The following WDR70 variants were observed in gnomAD, a reference collection of about 807,000 sequenced individuals.
The protein encoded by WDR70 is WD repeat-containing protein 70.
A neutral mutation model predicts 88.6 loss-of-function variants in WDR70; 53 were observed. The ratio of observed to expected loss-of-function variants is 0.60; its 90% confidence interval spans 0.48 to 0.75. WDR70 has a LOEUF of 0.75. Among genes scored for constraint, WDR70 ranks in the 30% least tolerant of loss-of-function variants. The pLI is 0.00. For synonymous variants in WDR70, 280 were observed against 270.0 expected, an observed-to-expected ratio of 1.04 and a Z score of -0.36; for missense variants, 610 against 823.2, an observed-to-expected ratio of 0.74 and a Z score of 3.17.
At chr5:37,633,549 G>A (rs1300980630) in intron 10 of WDR70, among the ~76,000 whole-genome samples, 1 of 151,518 alleles carries the variant, frequency 6.6e-6, no homozygotes, top group East Asian at 1.9e-4. Flanking sequence ...TAGGAGGTTT[G>A]CCTATAAACC....
intron 5 of WDR70, among the ~76,000 whole-genome samples, chr5:37,433,786 C>A (rs995317497): frequency 1.3e-5 from 2 of 152,234 alleles, no homozygotes; most frequent in Admixed American, 1.3e-4. Flanking sequence ...AGCACTGAAC[C>A]CTGTGTATAC....
chr5:37,633,226 G>A (rs1470334314), intron 10 of WDR70, among the ~76,000 whole-genome samples: 1 of 152,038 alleles, frequency 6.6e-6, no homozygotes, highest in Non-Finnish European at 1.5e-5. Context: ...GACTACCAGA[G>A]TTTTTTCCCC....
intron 10 of WDR70, among the ~76,000 whole-genome samples, chr5:37,693,912 C>T (rs1023199228): frequency 7.6e-4 from 116 of 152,318 alleles, no homozygotes; most frequent in African/African-American, 2.6e-3. Flanking sequence ...TCAGAGTGAA[C>T]AGGCAACCTA....
intron 7 of WDR70, among the ~76,000 whole-genome samples, chr5:37,474,254 A>AT (rs1435447672): frequency 1.8e-4 from 28 of 152,292 alleles, no homozygotes; most frequent in Non-Finnish European, 3.2e-4. Flanking sequence ...GCATATGTCA[A>AT]TTTTTTAAAC....
chr5:37,535,827 T>G (rs1212370414), intron 9 of WDR70, among the ~76,000 whole-genome samples: 1 of 152,200 alleles, frequency 6.6e-6, no homozygotes, highest in Non-Finnish European at 1.5e-5. Context: ...ACTGATTATA[T>G]TTTTCCCAAG....
intron 7 of WDR70, among the ~76,000 whole-genome samples, chr5:37,455,247 T>C (rs956031591): frequency 5.7e-4 from 84 of 146,284 alleles, no homozygotes; most frequent in East Asian, 1.6e-3. Context: ...TTCTTTCTTT[T>C]TTTTTTTTTT....
chr5:37,643,550 T>C (rs558664845), intron 10 of WDR70, among the ~76,000 whole-genome samples: 1 of 152,018 alleles, frequency 6.6e-6, no homozygotes, highest in African/African-American at 2.4e-5. Flanking sequence ...TTGATAGGGA[T>C]TGCATTGAAT....
chr5:37,477,791 A>T (rs746316618), intron 7 of WDR70, among the ~76,000 whole-genome samples: 5 of 151,990 alleles, frequency 3.3e-5, no homozygotes, highest in Non-Finnish European at 5.9e-5. Context: ...GTTCTTTTAT[A>T]GGGTTTCTCT....
chr5:37,531,690 ATTGT>A (rs1741492338), intron 9 of WDR70, among the ~76,000 whole-genome samples: 1 of 145,872 alleles, frequency 6.9e-6, no homozygotes, highest in African/African-American at 2.5e-5. Flanking sequence ...CAGAAACTTG[ATTGT>A]TGAATTCTTA....
intron 17 of WDR70, 66 bp from the exon 18 acceptor site, chr5:37,752,420 C>T: frequency 1.5e-6 from 2 of 1,291,572 alleles, no homozygotes; most frequent in Non-Finnish European, 2.2e-6. Flanking sequence ...ATGAAGGAAG[C>T]AAAATCTAAT....
intron 10 of WDR70, among the ~76,000 whole-genome samples, chr5:37,625,284 C>T (rs554577793): frequency 5.6e-4 from 86 of 152,240 alleles, no homozygotes; most frequent in Non-Finnish European, 9.7e-4. Context: ...TACAAATTTA[C>T]GTTCCCACCA....
rs1476107014 is a variant in WDR70, at chr5:37,587,930, C to A, written c.918-17134C>A. 5.3e-5 allele frequency among the ~76,000 whole-genome samples: 8 copies of A among 152,088 alleles called. No homozygotes were observed. In the East Asian group the frequency reaches 1.5e-3, roughly 29 times the overall value. ...AAGTAGCTGGGATTACAGGTGCACA[C>A]CACCACGCCAGCTAATTGTCTCTAC... On this transcript the variant is annotated intron_variant, in intron 9 of 17. Transcript: ENST00000265107.
At chr5:37,560,478 TC>T (rs1165760141) in intron 9 of WDR70, among the ~76,000 whole-genome samples, 2 of 152,190 alleles carry the variant, frequency 1.3e-5, no homozygotes, top group African/African-American at 4.8e-5. Flanking sequence ...AAGCTGTATG[TC>T]TATAGTTGAC....
intron 9 of WDR70, among the ~76,000 whole-genome samples, chr5:37,539,185 G>A (rs1267934678): frequency 6.6e-6 from 1 of 152,150 alleles, no homozygotes; most frequent in Non-Finnish European, 1.5e-5. Flanking sequence ...GATGTAATAA[G>A]ATTTTTGATA....
chr5:37,735,812 T>C (rs1241952336), intron 17 of WDR70, among the ~76,000 whole-genome samples: 1 of 152,198 alleles, frequency 6.6e-6, no homozygotes, highest in Non-Finnish European at 1.5e-5. Flanking sequence ...CTGTCAGTGA[T>C]GAAATGAAGA....
chr5:37,466,473 G>A (rs1259932374), intron 7 of WDR70, among the ~76,000 whole-genome samples: 9 of 152,140 alleles, frequency 5.9e-5, no homozygotes, highest in Admixed American at 1.3e-4. Context: ...TTGGGAGGCC[G>A]AGGCGGGCAG....
At chr5:37,567,292 A>G (rs572832427) in intron 9 of WDR70, among the ~76,000 whole-genome samples, 30 of 152,336 alleles carry the variant, frequency 2.0e-4, no homozygotes, top group Non-Finnish European at 3.2e-4. Context: ...ATGCTTATAT[A>G]TAGATACACA....
chr5:37,423,919 C>T lies in WDR70; in HGVS notation c.493-14003C>T, dbSNP rs183807645. On this transcript the variant is annotated intron_variant, in intron 5 of 17. Coordinates refer to ENST00000265107, the MANE Select transcript of WDR70 (RefSeq NM_018034.4). ...ATCCCAGCACTTTGGGAGGCCGAGGCGGGCAGATCACCTGAGGTCAGGAGT... is the reference window on the plus strand; with the variant it reads ...ATCCCAGCACTTTGGGAGGCCGAGGTGGGCAGATCACCTGAGGTCAGGAGT... Among the ~76,000 whole-genome samples the T allele has an allele frequency of 4.1e-5, 6 of 147,636 alleles. No individual in the cohort carries two copies. The East Asian group carries it at 6.1e-4, about 15-fold the overall frequency.
intron 13 of WDR70, among the ~76,000 whole-genome samples, chr5:37,710,128 C>T (rs929208091): frequency 6.6e-6 from 1 of 152,040 alleles, no homozygotes; most frequent in Admixed American, 6.6e-5. Context: ...TCTACGATAT[C>T]AAATCTTAAC....
Sources: allele counts gnomAD v4.1 joint callset (sites outside exome capture counted in the v4.1 genomes callset), GRCh38; gene constraint gnomAD v4.1.1; transcripts MANE v1.5; gene names NCBI Gene and HGNC (gene_info 2026-07-23, HGNC 2026-07-21).